DOCK8: variants seen among roughly 807,000 people sequenced by gnomAD.
The protein encoded by DOCK8 is dedicator of cytokinesis 8, also known as dedicator of cytokinesis protein 8.
DOCK8 carries 141 observed loss-of-function variants against 245.6 expected under a neutral mutation model. The ratio of observed to expected loss-of-function variants is 0.57; its 90% CI spans 0.50 to 0.66. The LOEUF (loss-of-function observed/expected upper bound fraction) is 0.66. Ranked by LOEUF, DOCK8 falls within the 30% of genes least tolerant of loss-of-function variation. The pLI, the probability that DOCK8 is intolerant of heterozygous loss-of-function variation, is 0.00. For synonymous variants in DOCK8, 1,168 were observed against 970.2 expected, an observed-to-expected ratio of 1.20 and a Z score of -3.79; for missense variants, 2,965 against 2,603.4, an observed-to-expected ratio of 1.14 and a Z score of -3.02.
chr9:219,513 G>T lies in DOCK8; in HGVS notation c.53+4484G>T, dbSNP rs7047595. Among the ~76,000 whole-genome samples the T allele has an allele frequency of 6.4e-3, 969 of 152,098 alleles. 12 individuals are homozygous for T. Among genetic ancestry groups the T allele is most frequent in the African/African-American group, 0.022 (916 of 41,480 alleles). ...AAATAAAAAAGGAACAAAGTATTAG[G>T]CATAATAATCATCACCAGAGAGTGA... On this transcript the variant is annotated intron_variant, in intron 1 of 47. Transcript: ENST00000432829.
chr9:422,063 C>G lies in DOCK8; in HGVS notation c.4169C>G (p.Pro1390Arg). The G allele has an allele frequency of 6.2e-7, 1 of 1,614,048 alleles. No individual in the cohort carries two copies. The highest frequency in any genetic ancestry group is 8.5e-7 in the Non-Finnish European group (1 of 1,180,000). Reference sequence around the variant, plus strand: ...TAACTCCTAGGGAACGACCGATTTCCAGGCCTAAATGAAAATTTGAGATGG... The same window carrying G: ...TAACTCCTAGGGAACGACCGATTTCGAGGCCTAAATGAAAATTTGAGATGG... The part of the protein sequence containing the change: ...RRRAPGNDRF[P>R]GLNENLRWKK... The change falls in exon 33 of 48, where the codon CCA (proline) becomes CGA (arginine). Residue 1390 changes from proline to arginine, a missense_variant. Coordinates refer to ENST00000432829, the MANE Select transcript of DOCK8 (RefSeq NM_203447.4).
chr9:421,896 G>C (rs761403379), intron 32 of DOCK8, 152 bp from the exon 33 acceptor site: 53 of 711,094 alleles, frequency 7.5e-5, no homozygotes, highest in Non-Finnish European at 1.1e-4. Flanking sequence ...ACATAGGTGT[G>C]GCGACTTTGT....
intron 28 of DOCK8, among the ~76,000 whole-genome samples, chr9:407,914 G>C (rs1022959729): frequency 6.6e-6 from 1 of 152,144 alleles, no homozygotes; most frequent in Non-Finnish European, 1.5e-5. Context: ...CAAAGTAGTT[G>C]AGATTCAACA....
In DOCK8 at chr9:216,537, C is replaced by CAA. The variant is rs59529982; in HGVS notation, c.53+1525_53+1526dup. ...GTGAAACCTTGTCTCAAAAAACAGA[C>CAA]AAAAAAAAAAAAAAAAAAGCAAAAA... is the stretch of plus-strand genomic sequence containing the variant. On this transcript the variant is annotated intron_variant, in intron 1 of 47. Coordinates refer to ENST00000432829, the MANE Select transcript of DOCK8 (RefSeq NM_203447.4). Among the ~76,000 whole-genome samples, 107 of 88,920 alleles carry CAA rather than the reference C, an allele frequency of 1.2e-3. 1 individual carries two copies. Among genetic ancestry groups the CAA allele is most frequent in the Admixed American group, 2.0e-3 (15 of 7,460 alleles). The allele number at this position is 88,920 out of a possible 152,430, so 58.3% of individuals were successfully genotyped here.
chr9:352,164 A>G (rs1002373490), intron 14 of DOCK8, among the ~76,000 whole-genome samples: 1 of 152,114 alleles, frequency 6.6e-6, no homozygotes, highest in Non-Finnish European at 1.5e-5. Flanking sequence ...AGCTCTAGAG[A>G]TAGCTGCCTG....
chr9:441,291 C>T lies in DOCK8; in HGVS notation c.5229C>T (p.Gly1743=). 6.2e-7 allele frequency: 1 copy of T among 1,614,190 alleles called. No homozygotes were observed. Among genetic ancestry groups the T allele is most frequent in the Non-Finnish European group, 8.5e-7 (1 of 1,180,034 alleles). ...GCTCTTCTCCTCTTTCCAAGGGAGG[C>T]TTATATGAGACAGTTAATGAGGTCT... ...EQAAELFSTG[G]LYETVNEVYK... The change falls in exon 41 of 48, where the codon GGC becomes GGT. Residue 1743 remains glycine, a synonymous_variant. Coordinates refer to ENST00000432829, the MANE Select transcript of DOCK8 (RefSeq NM_203447.4).
chr9:361,081 C>G (rs1241187411), intron 14 of DOCK8, among the ~76,000 whole-genome samples: 1 of 152,098 alleles, frequency 6.6e-6, no homozygotes, highest in African/African-American at 2.4e-5. Context: ...AGCAGAGGAT[C>G]GCTTGAGCCC....
At chr9:444,590 G>A (rs4741935) in intron 43 of DOCK8, among the ~76,000 whole-genome samples, 87,463 of 151,874 alleles carry the variant, frequency 0.58, 28,334 homozygotes, top group East Asian at 0.95. Flanking sequence ...TAGGCAAATT[G>A]AATACAGTCT....
chr9:436,983 A>C (rs956918), intron 39 of DOCK8, among the ~76,000 whole-genome samples: 14,607 of 152,250 alleles, frequency 0.096, 977 homozygotes, highest in African/African-American at 0.19. Flanking sequence ...CTGAAGTGTG[A>C]GGGCTTCTTG....
intron 26 of DOCK8, among the ~76,000 whole-genome samples, chr9:400,799 ACCT>A (rs1209839989): frequency 4.8e-5 from 3 of 62,566 alleles, no homozygotes; most frequent in East Asian, 4.1e-4. Context: ...CATCACCACC[ACCT>A]CCACCATCAC....
intron 7 of DOCK8, among the ~76,000 whole-genome samples, chr9:317,541 A>G (rs886126085): frequency 4.6e-5 from 7 of 152,192 alleles, no homozygotes; most frequent in African/African-American, 1.4e-4. Context: ...AAGTATTTAC[A>G]ATGTAGAAAT....
intron 7 of DOCK8, among the ~76,000 whole-genome samples, chr9:320,038 G>A (rs1339088255): frequency 6.6e-6 from 1 of 152,188 alleles, no homozygotes; most frequent in Non-Finnish European, 1.5e-5. Flanking sequence ...AAACCTGCAT[G>A]CTGGCTAACT....
At chr9:390,124 G>A (rs544335370) in intron 23 of DOCK8, among the ~76,000 whole-genome samples, 1 of 152,288 alleles carries the variant, frequency 6.6e-6, no homozygotes, top group African/African-American at 2.4e-5. Flanking sequence ...CACACAGAGA[G>A]TTTTCAGCAG....
chr9:396,443 A>G (rs1024599891), intron 24 of DOCK8, among the ~76,000 whole-genome samples: 1 of 152,226 alleles, frequency 6.6e-6, no homozygotes, highest in Admixed American at 6.5e-5. Context: ...GATAGAGGAC[A>G]CCTAGCTGGT....
chr9:342,264 G>T (rs1238491591), intron 14 of DOCK8, among the ~76,000 whole-genome samples: 2 of 144,984 alleles, frequency 1.4e-5, no homozygotes, highest in South Asian at 4.5e-4. Context: ...CTTTGTTTTT[G>T]TCACTCAAAA....
intron 14 of DOCK8, among the ~76,000 whole-genome samples, chr9:341,413 A>C (rs2051584941): frequency 6.6e-6 from 1 of 152,222 alleles, no homozygotes; most frequent in South Asian, 2.1e-4. Context: ...TTAATGCAGA[A>C]AAGGATGCCT....
chr9:254,601 C>T (rs1360805904), intron 1 of DOCK8, among the ~76,000 whole-genome samples: 1 of 152,152 alleles, frequency 6.6e-6, no homozygotes, highest in Non-Finnish European at 1.5e-5. Flanking sequence ...CTTGTGCTAT[C>T]CTGGGAACCT....
At chr9:418,549 T>A (rs1586974443) in intron 30 of DOCK8, among the ~76,000 whole-genome samples, 1 of 152,242 alleles carries the variant, frequency 6.6e-6, no homozygotes, top group Non-Finnish European at 1.5e-5. Flanking sequence ...ATTACAGGCG[T>A]GAGCCACTGT....
intron 4 of DOCK8, among the ~76,000 whole-genome samples, chr9:301,878 C>T (rs150802446): frequency 2.2e-4 from 34 of 152,122 alleles, no homozygotes; most frequent in African/African-American, 5.5e-4. Flanking sequence ...ATTCCATGCT[C>T]GTGGATAGGA....
Sources: gnomAD v4.1 joint callset for allele counts (sites outside exome capture counted in the v4.1 genomes callset) on GRCh38, gnomAD v4.1.1 for gene constraint, MANE v1.5 for transcripts, NCBI Gene and HGNC (gene_info 2026-07-23, HGNC 2026-07-21) for gene names.